GHR: variants seen among roughly 807,000 people sequenced by gnomAD.
The protein encoded by GHR is GH receptor.
Under a neutral mutation model 67.1 loss-of-function variants are expected in GHR, and 35 were observed. The observed-to-expected ratio is 0.52, with a 90% CI of 0.40 to 0.69. The LOEUF is 0.69. Among genes scored for constraint, GHR ranks in the 30% least tolerant of loss-of-function variants. The pLI is 0.00. For missense variants in GHR, 792 were observed against 764.6 expected (o/e 1.04, Z -0.42); for synonymous variants, 272 against 269.1 (o/e 1.01, Z -0.10).
chr5:42,548,648 T>A (rs1218828692), intron 1 of GHR: 4 of 210,686 alleles, frequency 1.9e-5, no homozygotes, highest in Non-Finnish European at 3.3e-5. Flanking sequence ...TGGCCAGATG[T>A]TTTCCTTTCT....
intron 7 of GHR, among the ~76,000 whole-genome samples, chr5:42,711,653 G>A (rs1758464684): frequency 6.6e-6 from 1 of 151,982 alleles, no homozygotes; most frequent in Non-Finnish European, 1.5e-5. Context: ...GAATTCAGAT[G>A]ATTCTTTTCT....
intron 5 of GHR, among the ~76,000 whole-genome samples, chr5:42,697,985 T>C (rs1293216905): frequency 1.3e-5 from 2 of 151,988 alleles, no homozygotes; most frequent in African/African-American, 4.8e-5. Context: ...GCTGACGGAA[T>C]GTGGATTAGT....
At chr5:42,451,563 AGGTGTGGT>A (rs1413459773) in intron 1 of GHR, among the ~76,000 whole-genome samples, 1 of 151,976 alleles carries the variant, frequency 6.6e-6, no homozygotes, top group African/African-American at 2.4e-5. Flanking sequence ...GAAATTAGCC[AGGTGTGGT>A]GGTGTGCGCC....
chr5:42,580,484 TTG>T (rs1751105136), intron 2 of GHR, among the ~76,000 whole-genome samples: 2 of 152,234 alleles, frequency 1.3e-5, no homozygotes, highest in African/African-American at 2.4e-5. Flanking sequence ...TACCCAAAAG[TTG>T]ATCTTTAATA....
At chr5:42,526,861 C>T (rs971141664) in intron 1 of GHR, among the ~76,000 whole-genome samples, 4 of 152,138 alleles carry the variant, frequency 2.6e-5, no homozygotes, top group Non-Finnish European at 5.9e-5. Context: ...ACAAAAGGAA[C>T]CCCATCGGGC....
intron 3 of GHR, among the ~76,000 whole-genome samples, chr5:42,675,780 A>G (rs1756543097): frequency 1.3e-5 from 2 of 152,226 alleles, no homozygotes; most frequent in African/African-American, 2.4e-5. Context: ...AGCTATCTAT[A>G]TAGGCTGTGA....
At chr5:42,644,184 C>T (rs2112799409) in intron 3 of GHR, among the ~76,000 whole-genome samples, 1 of 152,148 alleles carries the variant, frequency 6.6e-6, no homozygotes, top group Admixed American at 6.5e-5. Flanking sequence ...GTTAATCTTA[C>T]CACATGATAT....
intron 3 of GHR, among the ~76,000 whole-genome samples, chr5:42,668,579 A>G (rs1015991105): frequency 5.9e-5 from 9 of 152,238 alleles, no homozygotes; most frequent in Non-Finnish European, 1.0e-4. Context: ...ACTAATATAG[A>G]CCTGAAAAAA....
rs561263639 is a variant in GHR, at chr5:42,526,366, G to C, written c.-11-39498G>C. Among the ~76,000 whole-genome samples, 4 of 152,286 alleles carry C rather than the reference G, an allele frequency of 2.6e-5. No homozygotes were observed. The East Asian group carries it at 7.7e-4, about 29-fold the overall frequency. Reference sequence around the variant, plus strand: ...GCTACAGAAGAAATGTTGGAAGCTAGCAGAGGTTGGAAATTTAAGAAGCCA... The same window carrying C: ...GCTACAGAAGAAATGTTGGAAGCTACCAGAGGTTGGAAATTTAAGAAGCCA... On this transcript the variant is annotated intron_variant, in intron 1 of 9. Transcript: ENST00000230882.
intron 1 of GHR, among the ~76,000 whole-genome samples, chr5:42,456,434 C>T (rs943502538): frequency 2.6e-5 from 4 of 152,112 alleles, no homozygotes; most frequent in Admixed American, 6.5e-5. Flanking sequence ...CATGGGACTA[C>T]GTCAGAAGTT....
At chr5:42,470,321 A>G (rs1363637216) in intron 1 of GHR, among the ~76,000 whole-genome samples, 1 of 151,022 alleles carries the variant, frequency 6.6e-6, no homozygotes, top group Non-Finnish European at 1.5e-5. Context: ...ACACACGCAC[A>G]TATATATCCT....
At chr5:42,693,423 ACCACCGTAC>A (rs1261923903) in intron 4 of GHR, among the ~76,000 whole-genome samples, 1 of 151,906 alleles carries the variant, frequency 6.6e-6, no homozygotes, top group East Asian at 1.9e-4. Flanking sequence ...ACAGGCATGA[ACCACCGTAC>A]CCAGCCAGCA....
intron 1 of GHR, among the ~76,000 whole-genome samples, chr5:42,453,947 T>C (rs563730094): frequency 3.3e-5 from 5 of 152,334 alleles, no homozygotes; most frequent in African/African-American, 9.6e-5. Flanking sequence ...AGCAGAAAGA[T>C]CTGAAACTCC....
At chr5:42,564,483 G>A (rs1480790604) in intron 1 of GHR, among the ~76,000 whole-genome samples, 1 of 152,170 alleles carries the variant, frequency 6.6e-6, no homozygotes, top group Non-Finnish European at 1.5e-5. Flanking sequence ...AGTGTATGAA[G>A]GAGAGTTCCT....
chr5:42,531,508 C>T (rs1403012430), intron 1 of GHR, among the ~76,000 whole-genome samples: 1 of 151,430 alleles, frequency 6.6e-6, no homozygotes, highest in Non-Finnish European at 1.5e-5. Flanking sequence ...GTCTCGGTCT[C>T]ACTCTATCAC....
chr5:42,636,137 G>A (rs1037416229), intron 3 of GHR, among the ~76,000 whole-genome samples: 14 of 146,632 alleles, frequency 9.5e-5, no homozygotes, highest in Admixed American at 6.8e-5. Context: ...GTGAACCCGG[G>A]AGGCGGAGCT....
intron 2 of GHR, among the ~76,000 whole-genome samples, chr5:42,573,865 T>A (rs1390722593): frequency 6.6e-6 from 1 of 152,250 alleles, no homozygotes; most frequent in African/African-American, 2.4e-5. Flanking sequence ...ATTTTTTAAT[T>A]TTTTGGCAAA....
intron 1 of GHR, among the ~76,000 whole-genome samples, chr5:42,561,020 T>TA (rs1259881507): frequency 5.9e-5 from 9 of 152,226 alleles, no homozygotes; most frequent in African/African-American, 2.2e-4. Flanking sequence ...AATCTAATTT[T>TA]AGGCCCTTTT....
At chr5:42,429,274 C>G (rs1742985869) in intron 1 of GHR, among the ~76,000 whole-genome samples, 1 of 152,150 alleles carries the variant, frequency 6.6e-6, no homozygotes, top group Admixed American at 6.5e-5. Context: ...GACTTAATCA[C>G]TATCGCAAGA....
Sources: gnomAD v4.1 joint callset for allele counts (sites outside exome capture counted in the v4.1 genomes callset) on GRCh38, gnomAD v4.1.1 for gene constraint, MANE v1.5 for transcripts, NCBI Gene and HGNC (gene_info 2026-07-23, HGNC 2026-07-21) for gene names.